The following TMEM108 variants were observed in gnomAD, a reference collection of about 807,000 sequenced individuals.
TMEM108 encodes cancer/testis antigen 124.
Under a neutral mutation model 35.1 loss-of-function variants are expected in TMEM108, and 12 were observed. The ratio of observed to expected loss-of-function variants is 0.34; its 90% CI spans 0.22 to 0.55. The LOEUF (loss-of-function observed/expected upper bound fraction) is 0.55. TMEM108 is among the 20% of genes least tolerant of loss of function. The pLI is 0.89. For missense variants in TMEM108, 680 were observed against 753.3 expected (o/e 0.90, Z 1.14); for synonymous variants, 287 against 308.6 (o/e 0.93, Z 0.73).
At chr3:133,049,541 G>A (rs552523105) in intron 2 of TMEM108, among the ~76,000 whole-genome samples, 1 of 152,070 alleles carries the variant, frequency 6.6e-6, no homozygotes, top group Non-Finnish European at 1.5e-5. Context: ...TTGAGTTTTG[G>A]GCTTCTCCAT....
chr3:133,261,236 C>T (rs1054635049), intron 3 of TMEM108, among the ~76,000 whole-genome samples: 1 of 152,132 alleles, frequency 6.6e-6, no homozygotes, highest in Non-Finnish European at 1.5e-5. Context: ...TAAATTTCTA[C>T]CTCAGATGCT....
intron 2 of TMEM108, among the ~76,000 whole-genome samples, chr3:133,112,878 A>C (rs1002829232): frequency 3.9e-5 from 6 of 152,228 alleles, no homozygotes; most frequent in Non-Finnish European, 8.8e-5. Context: ...TGTGCAACAA[A>C]ACCCACAGGA....
At chr3:133,207,011 G>A (rs1009299303) in intron 2 of TMEM108, among the ~76,000 whole-genome samples, 22 of 152,166 alleles carry the variant, frequency 1.4e-4, no homozygotes, top group Admixed American at 5.9e-4. Context: ...TAGAGAGGAG[G>A]AATCTAGGGA....
intron 3 of TMEM108, among the ~76,000 whole-genome samples, chr3:133,274,319 C>T (rs538551840): frequency 4.6e-5 from 7 of 152,266 alleles, no homozygotes; most frequent in African/African-American, 1.4e-4. Context: ...GACAGTATGT[C>T]GTGATTTAAA....
chr3:133,133,837 C>T (rs1415265259), intron 2 of TMEM108, among the ~76,000 whole-genome samples: 2 of 151,904 alleles, frequency 1.3e-5, no homozygotes, highest in Non-Finnish European at 2.9e-5. Flanking sequence ...GATCTCGGCT[C>T]ACTGCAAACT....
At chr3:133,179,142 A>G (rs1275992095) in intron 2 of TMEM108, among the ~76,000 whole-genome samples, 1 of 151,242 alleles carries the variant, frequency 6.6e-6, no homozygotes, top group East Asian at 1.9e-4. Context: ...CGATCATTAA[A>G]AAGTCAGGAA....
intron 2 of TMEM108, among the ~76,000 whole-genome samples, chr3:133,096,671 C>T (rs961392236): frequency 6.6e-6 from 1 of 152,182 alleles, no homozygotes; most frequent in African/African-American, 2.4e-5. Flanking sequence ...TGGTAAAGAG[C>T]AAAGCCGATT....
At chr3:133,227,863 C>A (rs1189582353) in intron 2 of TMEM108, among the ~76,000 whole-genome samples, 1 of 151,958 alleles carries the variant, frequency 6.6e-6, no homozygotes, top group Non-Finnish European at 1.5e-5. Context: ...CCACTGCACT[C>A]CAGCCTGGCG....
At chr3:133,258,558 A>T (rs532717626) in intron 3 of TMEM108, among the ~76,000 whole-genome samples, 37 of 152,336 alleles carry the variant, frequency 2.4e-4, no homozygotes, top group Non-Finnish European at 2.9e-5. Flanking sequence ...AGCTGCTGCC[A>T]GCTCATCTCC....
chr3:133,052,808 G>A (rs1049582171), intron 2 of TMEM108, among the ~76,000 whole-genome samples: 1 of 152,122 alleles, frequency 6.6e-6, no homozygotes, highest in African/African-American at 2.4e-5. Flanking sequence ...GTTATAGGAT[G>A]TTTGGGCTCT....
chr3:133,050,804 A>C (rs954143800), intron 2 of TMEM108, among the ~76,000 whole-genome samples: 3 of 151,820 alleles, frequency 2.0e-5, no homozygotes, highest in African/African-American at 7.3e-5. Context: ...AATAATCAAC[A>C]TGTAAGTTTC....
chr3:133,117,994 G>A (rs945596069), intron 2 of TMEM108, among the ~76,000 whole-genome samples: 2 of 152,068 alleles, frequency 1.3e-5, no homozygotes, highest in South Asian at 2.1e-4. Context: ...AGGCCTTTTT[G>A]GGGGAGGAAT....
intron 2 of TMEM108, among the ~76,000 whole-genome samples, chr3:133,228,204 T>A (rs1259483764): frequency 6.6e-6 from 1 of 151,550 alleles, no homozygotes; most frequent in Non-Finnish European, 1.5e-5. Context: ...AAAAAAAAAT[T>A]AAAGATAGAT....
intron 2 of TMEM108, among the ~76,000 whole-genome samples, chr3:133,115,607 C>T (rs146536321): frequency 6.6e-6 from 1 of 152,356 alleles, no homozygotes; most frequent in African/African-American, 2.4e-5. Flanking sequence ...TTGAGTTAGC[C>T]ATGCCTCTCT....
intron 3 of TMEM108, among the ~76,000 whole-genome samples, chr3:133,252,166 T>A (rs1406108093): frequency 1.3e-5 from 2 of 152,158 alleles, no homozygotes; most frequent in Non-Finnish European, 2.9e-5. Flanking sequence ...ATATTGCTAT[T>A]CACAGGATTG....
intron 3 of TMEM108, among the ~76,000 whole-genome samples, chr3:133,257,746 C>G (rs1272999288): frequency 6.6e-6 from 1 of 152,172 alleles, no homozygotes; most frequent in Non-Finnish European, 1.5e-5. Context: ...TGTATCTAAA[C>G]TAAGTGGAGT....
At chr3:133,123,608 A>C (rs1269688440) in intron 2 of TMEM108, among the ~76,000 whole-genome samples, 1 of 152,222 alleles carries the variant, frequency 6.6e-6, no homozygotes, top group African/African-American at 2.4e-5. Flanking sequence ...CTTACTGAGC[A>C]CTCACTGTGT....
intron 2 of TMEM108, among the ~76,000 whole-genome samples, chr3:133,078,187 G>A (rs909335866): frequency 1.1e-4 from 13 of 121,406 alleles, no homozygotes; most frequent in African/African-American, 3.7e-4. Flanking sequence ...ACGTGTGTGT[G>A]TATATCTCAG....
intron 2 of TMEM108, among the ~76,000 whole-genome samples, chr3:133,227,669 G>A (rs987007335): frequency 2.6e-5 from 4 of 151,558 alleles, no homozygotes; most frequent in African/African-American, 9.7e-5. Flanking sequence ...GGCTGAGATG[G>A]GCAGATCATG....
Sources: allele counts gnomAD v4.1 joint callset (sites outside exome capture counted in the v4.1 genomes callset), GRCh38; gene constraint gnomAD v4.1.1; transcripts MANE v1.5; gene names NCBI Gene and HGNC (gene_info 2026-07-23, HGNC 2026-07-21).